Variants in LSAMP observed in about 807,000 individuals in gnomAD.
The protein encoded by LSAMP is limbic system associated membrane protein, also known as limbic system-associated membrane protein.
LSAMP carries 7 observed loss-of-function variants against 38.6 expected under a neutral mutation model. That is an observed-to-expected ratio of 0.18 (90% CI 0.10 to 0.34). The LOEUF (loss-of-function observed/expected upper bound fraction) is 0.34, where lower values mean the gene tolerates loss of function less well. LSAMP is among the 10% of genes least tolerant of loss of function. The probability of loss-of-function intolerance (pLI) is 1.00; values close to 1 mark genes in which losing one functional copy is unlikely to be tolerated. For synonymous variants in LSAMP, 154 were observed against 166.8 expected, an observed-to-expected ratio of 0.92 and a Z score of 0.59; for missense variants, 313 against 420.0, an observed-to-expected ratio of 0.75 and a Z score of 2.23.
chr3:116,327,803 G>A (rs1227601721), intron 1 of LSAMP, among the ~76,000 whole-genome samples: 1 of 152,102 alleles, frequency 6.6e-6, no homozygotes, highest in Non-Finnish European at 1.5e-5. Flanking sequence ...AAAACAAAAT[G>A]AATCTTGAAA....
chr3:116,261,200 C>A (rs2046821054), intron 1 of LSAMP, among the ~76,000 whole-genome samples: 1 of 152,092 alleles, frequency 6.6e-6, no homozygotes, highest in Non-Finnish European at 1.5e-5. Context: ...CTATTTTATT[C>A]TTCTAATCTT....
intron 2 of LSAMP, among the ~76,000 whole-genome samples, chr3:116,077,713 C>G (rs1559733762): frequency 6.6e-6 from 1 of 152,154 alleles, no homozygotes; most frequent in Non-Finnish European, 1.5e-5. Context: ...TAAGTTTTGT[C>G]AATTGCTGCG....
intron 1 of LSAMP, among the ~76,000 whole-genome samples, chr3:116,105,177 G>GGA (rs71616342): frequency 1.5e-4 from 22 of 143,864 alleles, no homozygotes; most frequent in African/African-American, 5.5e-4. Flanking sequence ...TGACTAGGGG[G>GGA]AAAAAAAAAA....
intron 3 of LSAMP, among the ~76,000 whole-genome samples, chr3:116,011,204 G>A (rs940833651): frequency 6.6e-6 from 1 of 152,068 alleles, no homozygotes; most frequent in Non-Finnish European, 1.5e-5. Context: ...ACTGCACCCG[G>A]CCAGTTTTTG....
At chr3:115,833,832 T>C (rs186066192) in intron 6 of LSAMP, among the ~76,000 whole-genome samples, 1 of 152,292 alleles carries the variant, frequency 6.6e-6, no homozygotes, top group Admixed American at 6.5e-5. Context: ...GTTGGTTTCA[T>C]TTCAGATTTT....
At position 115,841,876 on chromosome 3, in the gene LSAMP, C is replaced by G. The variant is rs574979875; in HGVS notation, c.888G>C (p.Leu296=). The part of the protein sequence containing the change: ...GNYTCVAANK[L]GVTNASLVLF... ...GGACTAGGCTGGCATTGGTGACCCC[C>G]AGCTTGTTGGCAGCCACACAGGTGT... is the stretch of plus-strand genomic sequence containing the variant. Residue 296 remains leucine (L), a synonymous_variant, in exon 6 of 7, where the codon CTG becomes CTC. Coordinates refer to ENST00000490035, the MANE Select transcript of LSAMP (RefSeq NM_002338.5). 2 of 1,613,812 alleles carry G rather than the reference C, an allele frequency of 1.2e-6. No homozygotes were observed. The highest frequency in any genetic ancestry group is 3.3e-5 in the Admixed American group (2 of 59,946).
At chr3:116,023,080 T>C (rs922640773) in intron 2 of LSAMP, among the ~76,000 whole-genome samples, 1 of 152,028 alleles carries the variant, frequency 6.6e-6, no homozygotes, top group Non-Finnish European at 1.5e-5. Flanking sequence ...TCATGTTCTG[T>C]GGTTTATGTC....
At chr3:116,327,153 A>G (rs1396614892) in intron 1 of LSAMP, among the ~76,000 whole-genome samples, 4 of 152,288 alleles carry the variant, frequency 2.6e-5, no homozygotes, top group African/African-American at 9.6e-5. Flanking sequence ...CTGGCCTGAG[A>G]TGTTACATTT....
At chr3:116,077,893 A>G (rs545203159) in intron 2 of LSAMP, among the ~76,000 whole-genome samples, 68 of 152,294 alleles carry the variant, frequency 4.5e-4, no homozygotes, top group Non-Finnish European at 4.7e-4. Flanking sequence ...TGTGTGCCCA[A>G]TGTCGTCCTA....
chr3:116,269,168 T>C (rs2046936520), intron 1 of LSAMP, among the ~76,000 whole-genome samples: 1 of 152,196 alleles, frequency 6.6e-6, no homozygotes, highest in African/African-American at 2.4e-5. Context: ...CAAGGGAACA[T>C]GATGAAGAGA....
At chr3:115,921,822 T>C (rs934911597) in intron 3 of LSAMP, among the ~76,000 whole-genome samples, 11 of 152,178 alleles carry the variant, frequency 7.2e-5, no homozygotes, top group Admixed American at 2.0e-4. Context: ...CTGCTGAATA[T>C]AGTATTCTTT....
At chr3:116,199,464 C>T (rs570459926) in intron 1 of LSAMP, among the ~76,000 whole-genome samples, 1 of 152,116 alleles carries the variant, frequency 6.6e-6, no homozygotes, top group Non-Finnish European at 1.5e-5. Flanking sequence ...AGAAAAGTGT[C>T]TAAGAGTGGG....
chr3:115,852,999 G>C (rs1360172065), intron 3 of LSAMP, among the ~76,000 whole-genome samples: 5 of 152,106 alleles, frequency 3.3e-5, no homozygotes, highest in African/African-American at 1.2e-4. Flanking sequence ...GGTGTTCATA[G>C]GTGCATGCAC....
At chr3:116,082,517 T>C (rs1305832982) in intron 2 of LSAMP, among the ~76,000 whole-genome samples, 1 of 152,230 alleles carries the variant, frequency 6.6e-6, no homozygotes, top group Non-Finnish European at 1.5e-5. Flanking sequence ...AATGTTGACT[T>C]TGCTTCAGCC....
intron 1 of LSAMP, among the ~76,000 whole-genome samples, chr3:116,418,407 A>G (rs2107850821): frequency 6.6e-6 from 1 of 152,328 alleles, no homozygotes; most frequent in African/African-American, 2.4e-5. Flanking sequence ...TTGAAATTTC[A>G]ATGACATCTT....
rs2049497175 is a variant in LSAMP at position 116,445,356 on chromosome 3, A to C, written c.-325T>G. ...AGGGTTCTTGTTTGGTCTCTCTGTGACTGGATGCTCCTCTGCCAGTGTCTG... is the reference window on the plus strand; with the variant it reads ...AGGGTTCTTGTTTGGTCTCTCTGTGCCTGGATGCTCCTCTGCCAGTGTCTG... On this transcript the variant is annotated 5_prime_UTR_variant, in exon 1 of 7. Coordinates refer to ENST00000490035, the MANE Select transcript of LSAMP (RefSeq NM_002338.5). 2 of 529,052 alleles carry C rather than the reference A, an allele frequency of 3.8e-6. No individual in the cohort carries two copies. Among genetic ancestry groups the C allele is most frequent in the Non-Finnish European group, 6.6e-6 (2 of 302,958 alleles). The allele number at this position is 529,052 out of a possible 1,614,324, so 32.8% of individuals were successfully genotyped here. A position where few individuals can be genotyped will look rare whatever the true frequency, so the allele number is the denominator to read the frequency against.
intron 6 of LSAMP, among the ~76,000 whole-genome samples, chr3:115,838,484 G>C (rs1479650907): frequency 6.6e-6 from 1 of 152,180 alleles, no homozygotes; most frequent in East Asian, 1.9e-4. Context: ...ATCCCCGTCT[G>C]AGAAAGACTA....
At chr3:116,217,679 G>C (rs562816612) in intron 1 of LSAMP, among the ~76,000 whole-genome samples, 1 of 152,160 alleles carries the variant, frequency 6.6e-6, no homozygotes, top group Admixed American at 6.5e-5. Flanking sequence ...TCACACAAAG[G>C]TTCTATGGAG....
intron 6 of LSAMP, among the ~76,000 whole-genome samples, chr3:115,824,185 A>T (rs1490047141): frequency 6.6e-6 from 1 of 152,224 alleles, no homozygotes. Context: ...ATGCCACCTG[A>T]AAATATGTGT....
Sources: gnomAD v4.1 joint callset for allele counts (sites outside exome capture counted in the v4.1 genomes callset) on GRCh38, gnomAD v4.1.1 for gene constraint, MANE v1.5 for transcripts, NCBI Gene and HGNC (gene_info 2026-07-23, HGNC 2026-07-21) for gene names.